The following SCAP variants were observed in gnomAD, a reference collection of about 807,000 sequenced individuals.
The protein encoded by SCAP is SREBF chaperone, also known as sterol regulatory element-binding protein cleavage-activating protein.
A neutral mutation model predicts 123.6 loss-of-function variants in SCAP; 65 were observed. The ratio of observed to expected loss-of-function variants is 0.53; its 90% confidence interval spans 0.43 to 0.65. The LOEUF (loss-of-function observed/expected upper bound fraction) is 0.65, where lower values mean the gene tolerates loss of function less well. SCAP is among the 30% of genes least tolerant of loss of function. The pLI is 0.00. For synonymous variants in SCAP, 740 were observed against 726.3 expected, an observed-to-expected ratio of 1.02 and a Z score of -0.30; for missense variants, 1,398 against 1,712.5, an observed-to-expected ratio of 0.82 and a Z score of 3.24.
chr3:47,434,783 G>A (rs1706502736), intron 3 of SCAP: 2 of 438,308 alleles, frequency 4.6e-6, no homozygotes, highest in South Asian at 5.6e-5. Flanking sequence ...GTTGCAGTGA[G>A]CCGAGATTGT....
At chr3:47,425,852 C>T (rs1706104898) in intron 7 of SCAP, 145 bp downstream of exon 7, 5 of 1,013,308 alleles carry the variant, frequency 4.9e-6, no homozygotes, top group South Asian at 1.6e-5. Flanking sequence ...TAAGACCCTG[C>T]TGGGGGACAA....
At chr3:47,463,663 A>G (rs1707726635) in intron 1 of SCAP, among the ~76,000 whole-genome samples, 1 of 152,112 alleles carries the variant, frequency 6.6e-6, no homozygotes, top group Non-Finnish European at 1.5e-5. Flanking sequence ...GCATGACTGC[A>G]CTCGAGCCTG....
At chr3:47,473,663 G>C (rs1408929738) in intron 1 of SCAP, among the ~76,000 whole-genome samples, 2 of 152,152 alleles carry the variant, frequency 1.3e-5, no homozygotes, top group Non-Finnish European at 2.9e-5. Flanking sequence ...TGTCATTCCA[G>C]GATCCCTGAG....
chr3:47,417,028 A>G, intron 18 of SCAP, 94 bp downstream of exon 18: 1 of 1,071,164 alleles, frequency 9.3e-7, no homozygotes, highest in East Asian at 2.5e-5. Flanking sequence ...CATACAGTAC[A>G]GCAGTTGAAG....
At chr3:47,469,835 G>T in intron 1 of SCAP, 1 of 585,852 alleles carries the variant, frequency 1.7e-6, no homozygotes, top group South Asian at 1.4e-5. Context: ...CAGTTGGCAA[G>T]ACTCCATTTT....
At chr3:47,453,836 G>T (rs894585669) in intron 1 of SCAP, among the ~76,000 whole-genome samples, 5 of 151,876 alleles carry the variant, frequency 3.3e-5, no homozygotes, top group African/African-American at 9.7e-5. Context: ...TTTACTGAAT[G>T]CCCTTTTCCT....
intron 18 of SCAP, among the ~76,000 whole-genome samples, chr3:47,416,658 G>A (rs916735617): frequency 7.5e-5 from 8 of 107,340 alleles, no homozygotes; most frequent in South Asian, 3.3e-4. Flanking sequence ...ACGGAGTCTC[G>A]CTCTGTCGCC....
intron 2 of SCAP, among the ~76,000 whole-genome samples, chr3:47,440,425 T>C (rs1189317719): frequency 6.6e-6 from 1 of 152,106 alleles, no homozygotes; most frequent in Non-Finnish European, 1.5e-5. Context: ...CAACCTTTTA[T>C]TAGTCTTTGG....
intron 1 of SCAP, among the ~76,000 whole-genome samples, chr3:47,460,798 C>T (rs1168314725): frequency 6.6e-6 from 1 of 152,146 alleles, no homozygotes; most frequent in African/African-American, 2.4e-5. Flanking sequence ...CCTCGTGATC[C>T]ACCCGCCTCG....
chr3:47,438,452 T>TCC (rs1706670619), intron 2 of SCAP, among the ~76,000 whole-genome samples: 1 of 152,222 alleles, frequency 6.6e-6, no homozygotes, highest in African/African-American at 2.4e-5. Context: ...CATTTAGGGC[T>TCC]GCTCTGCCTA....
intron 1 of SCAP, among the ~76,000 whole-genome samples, chr3:47,468,990 G>C (rs1362110936): frequency 1.3e-5 from 2 of 152,188 alleles, no homozygotes; most frequent in Non-Finnish European, 2.9e-5. Context: ...TCTGGAAATG[G>C]ATAGTGATGA....
At chr3:47,440,988 G>A (rs1051658208) in intron 2 of SCAP, among the ~76,000 whole-genome samples, 6 of 151,414 alleles carry the variant, frequency 4.0e-5, no homozygotes, top group South Asian at 2.1e-4. Flanking sequence ...TGCAATCTCC[G>A]TCTCCCGGGT....
intron 1 of SCAP, among the ~76,000 whole-genome samples, chr3:47,448,364 T>G (rs1232462978): frequency 6.6e-6 from 1 of 152,210 alleles, no homozygotes; most frequent in African/African-American, 2.4e-5. Flanking sequence ...CATGTGTGTG[T>G]GTGTGTGGAT....
chr3:47,425,855 G>T, intron 7 of SCAP, 142 bp downstream of exon 7: 2 of 1,024,282 alleles, frequency 2.0e-6, no homozygotes, highest in Non-Finnish European at 1.4e-6. Flanking sequence ...GACCCTGCTG[G>T]GGGACAAAGC....
At chr3:47,434,047 T>C (rs1038856096) in intron 3 of SCAP, among the ~76,000 whole-genome samples, 8 of 152,224 alleles carry the variant, frequency 5.3e-5, no homozygotes. Context: ...CAGAGCCTCA[T>C]GAAGCCAGGG....
At chr3:47,460,467 A>T (rs371442435) in intron 1 of SCAP, among the ~76,000 whole-genome samples, 2 of 152,308 alleles carry the variant, frequency 1.3e-5, no homozygotes, top group African/African-American at 4.8e-5. Context: ...TTCACCATTT[A>T]TGTTCCTCTG....
intron 18 of SCAP, among the ~76,000 whole-genome samples, chr3:47,415,974 G>A (rs1705552307): frequency 6.6e-6 from 1 of 152,234 alleles, no homozygotes; most frequent in Admixed American, 6.5e-5. Context: ...GAAGCATGGA[G>A]GGGCCTGGTG....
Position 47,418,570 on chromosome 3 carries a change from C to CCTCCCCTCCTCCCT in SCAP, c.2130-62_2130-49dup, listed in dbSNP as rs751943955. ...GTGAGACACACCTCACAGCCTGTCCCCTCCCCTCCTCCCTCTCCCCTACTC... is the reference window on the plus strand; with the variant it reads ...GTGAGACACACCTCACAGCCTGTCCCCTCCCCTCCTCCCTCTCCCCTCCTCCCTCTCCCCTACTC... On this transcript the variant is annotated intron_variant, in intron 14 of 22. Transcript: ENST00000265565. 1.8e-5 allele frequency: 28 copies of CCTCCCCTCCTCCCT among 1,549,912 alleles called. No homozygotes were observed. The South Asian group carries it at 3.4e-4, about 19-fold the overall frequency.
intron 1 of SCAP, among the ~76,000 whole-genome samples, chr3:47,451,717 C>T (rs1379329380): frequency 8.1e-6 from 1 of 123,380 alleles, no homozygotes; most frequent in Non-Finnish European, 1.8e-5. Flanking sequence ...AGACCCCTTC[C>T]TACCTATCCC....
Sources: allele counts gnomAD v4.1 joint callset (sites outside exome capture counted in the v4.1 genomes callset), GRCh38; gene constraint gnomAD v4.1.1; transcripts MANE v1.5; gene names NCBI Gene and HGNC (gene_info 2026-07-23, HGNC 2026-07-21).